Variants in ASB14 observed in about 807,000 individuals in gnomAD.
The protein encoded by ASB14 is ankyrin repeat and SOCS box containing 14, also known as ankyrin repeat and SOCS box protein 14.
A neutral mutation model predicts 55.6 loss-of-function variants in ASB14; 63 were observed. The observed-to-expected ratio is 1.13, with a 90% CI of 0.92 to 1.40. ASB14 has a LOEUF of 1.40. ASB14 is among the 40% of genes most tolerant of loss of function. The pLI is 0.00. For synonymous variants in ASB14, 256 were observed against 259.9 expected, an observed-to-expected ratio of 0.98 and a Z score of 0.15; for missense variants, 724 against 710.4, an observed-to-expected ratio of 1.02 and a Z score of -0.22.
Position 57,283,411 on chromosome 3 carries a change from A to G in ASB14, c.498T>C (p.Ala166=), listed in dbSNP as rs1329929021. The stretch of plus-strand genomic sequence containing the variant: ...CTGCTCCATAGTTGATCAGCAAGGC[A>G]GCCATGTCATAGCAGTCACGCAGCA... ...AAVLRDCYDM[A]ALLINYGADV... Residue 166 remains alanine, a synonymous_variant, in exon 6 of 11, where the codon GCT becomes GCC. Transcript: ENST00000487349. 4.5e-6 allele frequency: 7 copies of G among 1,551,698 alleles called. No individual in the cohort carries two copies. Among genetic ancestry groups the G allele is most frequent in the Non-Finnish European group, 4.4e-6 (5 of 1,146,974 alleles).
intron 10 of ASB14, chr3:57,272,497 T>C (rs958949125): frequency 6.6e-6 from 1 of 152,226 alleles, no homozygotes; most frequent in African/African-American, 2.4e-5. Flanking sequence ...GAGTTAATTT[T>C]GCATTATATC....
rs531359455 is a variant in ASB14 at position 57,273,759 on chromosome 3, G to A, written c.*22+2769C>T. Among the ~76,000 whole-genome samples the A allele has an allele frequency of 2.0e-5, 3 of 152,240 alleles. No individual in the cohort carries two copies. In the South Asian group the frequency reaches 6.2e-4, roughly 32 times the overall value. On this transcript the variant is annotated intron_variant, in intron 10 of 10. Coordinates refer to ENST00000487349, the MANE Select transcript of ASB14 (RefSeq NM_001142733.3). ...ACAGAAATTCCTCTAATTTACAGGG[G>A]CAGGTTATTGTGCATACCACAGTAT...
rs2061099779 is a variant in ASB14 at position 57,288,520 on chromosome 3, A to G, written c.179-234T>C. On this transcript the variant is annotated intron_variant, in intron 3 of 10. Transcript: ENST00000487349. ...TTATTTACAAAAAACAGCTCTGTCT[A>G]GGAAGGAACCCAGGAGCTCTTTGCT... is the stretch of plus-strand genomic sequence containing the variant. 2.6e-5 allele frequency among the ~76,000 whole-genome samples: 4 copies of G among 152,144 alleles called. No individual in the cohort carries two copies. In the South Asian group the frequency reaches 6.2e-4, roughly 24 times the overall value.
rs564453302 is a variant in ASB14 at position 57,279,737 on chromosome 3, C to T, written c.887+565G>A. On this transcript the variant is annotated intron_variant, in intron 7 of 10. Coordinates refer to ENST00000487349, the MANE Select transcript of ASB14 (RefSeq NM_001142733.3). ...AAAATTATAGAAAGAAGCACACCTT[C>T]TTGGAAGGCCGGGAGGTTTTGCAAA... is the stretch of plus-strand genomic sequence containing the variant. Among the ~76,000 whole-genome samples the T allele has an allele frequency of 1.4e-4, 21 of 152,096 alleles. No homozygotes were observed. The South Asian group carries it at 4.4e-3, about 32-fold the overall frequency.
Position 57,269,468 on chromosome 3 carries a change from T to C in ASB14, c.*173A>G, listed in dbSNP as rs893433687. 7 of 1,514,616 alleles carry C rather than the reference T, an allele frequency of 4.6e-6. No homozygotes were observed. Among genetic ancestry groups the C allele is most frequent in the South Asian group, 3.8e-5 (3 of 78,826 alleles). The allele number at this position is 1,514,616 out of a possible 1,614,324, so 93.8% of individuals were successfully genotyped here. A position where few individuals can be genotyped will look rare whatever the true frequency, so the allele number is the denominator to read the frequency against. ...TGACAGAAGAAGTGGCTCTCAAGAA[T>C]GTATCTTAACTGCATAATTTGCCAT... On this transcript the variant is annotated 3_prime_UTR_variant, in exon 11 of 11. Transcript: ENST00000487349.
chr3:57,283,206 A>G lies in ASB14; in HGVS notation c.703T>C (p.Leu235=), dbSNP rs2061052286. The stretch of plus-strand genomic sequence containing the variant: ...CAGAAGATCTTGCCTTTCCGCAGTA[A>G]CATTTCCATGATTTCAGTGTGTCCA... ...QSGHTEIMEM[L]LRKGANAHGQ... is the part of the protein sequence containing the mutation. The change falls in exon 6 of 11, where the codon TTA becomes CTA. Residue 235 remains leucine, a synonymous_variant. Transcript: ENST00000487349. The G allele has an allele frequency of 6.4e-7, 1 of 1,552,228 alleles. No homozygotes were observed. Among genetic ancestry groups the G allele is most frequent in the Non-Finnish European group, 8.7e-7 (1 of 1,147,058 alleles).
At chr3:57,289,687 C>CTTTT (rs34419265) in intron 2 of ASB14, among the ~76,000 whole-genome samples, 1,829 of 100,244 alleles carry the variant, frequency 0.018, 48 homozygotes, top group East Asian at 0.038. Flanking sequence ...ACCTTCCATT[C>CTTTT]TTTTTTTTTT....
rs775302356 is a variant in ASB14, at chr3:57,268,514, T to C, written c.*1127A>G. ...TATACAGTCCTAATGTCTGGATCTT[T>C]ATGTGTTGTTTGTGAAGACTTAATT... On this transcript the variant is annotated 3_prime_UTR_variant, in exon 11 of 11. Coordinates refer to ENST00000487349, the MANE Select transcript of ASB14 (RefSeq NM_001142733.3). 5 of 1,553,216 alleles carry C rather than the reference T, an allele frequency of 3.2e-6. No homozygotes were observed. The African/African-American group carries it at 6.9e-5, about 21-fold the overall frequency.
chr3:57,284,092 G>GTA (rs1469157712), intron 5 of ASB14, among the ~76,000 whole-genome samples: 1 of 108,570 alleles, frequency 9.2e-6, no homozygotes, highest in Admixed American at 1.0e-4. Flanking sequence ...GGAACACTGT[G>GTA]TATGTGTGTG....
chr3:57,282,451 C>T (rs959724515), intron 6 of ASB14, among the ~76,000 whole-genome samples: 2 of 152,112 alleles, frequency 1.3e-5, no homozygotes, highest in African/African-American at 4.8e-5. Flanking sequence ...GAGCTCTCCT[C>T]GAAGACAGTA....
At chr3:57,277,964 C>T (rs2061003821) in intron 8 of ASB14, 44 bp from the exon 9 acceptor site, 1 of 1,546,226 alleles carries the variant, frequency 6.5e-7, no homozygotes, top group Non-Finnish European at 8.9e-7. Context: ...ATGAAAAACA[C>T]AAAGTATCTA....
At position 57,278,881 on chromosome 3, in the gene ASB14, G is replaced by A. The variant is rs2061013509; in HGVS notation, c.927C>T (p.Ala309=). ...KILIPVTDLA[A]IKQSGISPVH... is the part of the protein sequence containing the mutation. ...CTGGACTGATCCCACTCTGCTTAAT[G>A]GCAGCAAGATCCGTAACTGGAATCA... is the stretch of plus-strand genomic sequence containing the variant. The change falls in exon 8 of 11, where the codon GCC becomes GCT. Residue 309 remains alanine, a synonymous_variant. Coordinates refer to ENST00000487349, the MANE Select transcript of ASB14 (RefSeq NM_001142733.3). 6.2e-7 allele frequency: 1 copy of A among 1,613,556 alleles called. No homozygotes were observed. The highest frequency in any genetic ancestry group is 1.3e-5 in the African/African-American group (1 of 74,892).
chr3:57,282,986 G>T (rs1579430437), intron 6 of ASB14, among the ~76,000 whole-genome samples: 1 of 152,132 alleles, frequency 6.6e-6, no homozygotes. Flanking sequence ...CTGCATCCTA[G>T]TAACTTTAGG....
chr3:57,287,930 T>G lies in ASB14; in HGVS notation c.440A>C (p.Asn147Thr). 5 of 1,537,280 alleles carry G rather than the reference T, an allele frequency of 3.3e-6. No individual in the cohort carries two copies. Among genetic ancestry groups the G allele is most frequent in the Non-Finnish European group, 4.4e-6 (5 of 1,146,908 alleles). ...AAGAAGAGGAGAATTGCCTTCGAAA[T>G]TCTTAGCATTTGGATTGCAGCCATT... ...LLNGCNPNAK[N>T]FEGNSPLLAA... Residue 147 changes from asparagine (N) to threonine (T), a missense_variant, in exon 5 of 11, where the codon AAT (asparagine) becomes ACT (threonine). Coordinates refer to ENST00000487349, the MANE Select transcript of ASB14 (RefSeq NM_001142733.3).
chr3:57,288,115 T>C, intron 4 of ASB14, 40 bp downstream of exon 4: 1 of 1,535,156 alleles, frequency 6.5e-7, no homozygotes, highest in Non-Finnish European at 8.7e-7. Context: ...ATGTTAAATT[T>C]ATCTCTCAGA....
intron 6 of ASB14, 50 bp downstream of exon 6, chr3:57,283,144 C>T: frequency 3.9e-6 from 6 of 1,543,318 alleles, no homozygotes; most frequent in Non-Finnish European, 4.4e-6. Flanking sequence ...AGGAGAACCC[C>T]TGGATCATGT....
At chr3:57,274,421 GCCTGTAATC>G (rs2060970831) in intron 10 of ASB14, among the ~76,000 whole-genome samples, 1 of 152,170 alleles carries the variant, frequency 6.6e-6, no homozygotes, top group Non-Finnish European at 1.5e-5. Context: ...ACTGGCTCAT[GCCTGTAATC>G]CCAGCACTTT....
chr3:57,281,674 A>G (rs1447063095), intron 6 of ASB14, among the ~76,000 whole-genome samples: 1 of 152,164 alleles, frequency 6.6e-6, no homozygotes, highest in Non-Finnish European at 1.5e-5. Flanking sequence ...AACAACCCCC[A>G]GCAGTAGGTG....
intron 5 of ASB14, among the ~76,000 whole-genome samples, chr3:57,286,189 T>C (rs755121407): frequency 2.0e-5 from 3 of 152,156 alleles, no homozygotes; most frequent in Non-Finnish European, 2.9e-5. Flanking sequence ...TCATCTTTTG[T>C]ATATTATGTA....
Sources: gnomAD v4.1 joint callset for allele counts (sites outside exome capture counted in the v4.1 genomes callset) on GRCh38, gnomAD v4.1.1 for gene constraint, MANE v1.5 for transcripts, NCBI Gene and HGNC (gene_info 2026-07-23, HGNC 2026-07-21) for gene names.